Variants in CLDN16 observed in about 807,000 individuals in gnomAD.
CLDN16 encodes the protein claudin-16.
CLDN16 carries 13 observed loss-of-function variants against 24.6 expected under a neutral mutation model. The ratio of observed to expected loss-of-function variants is 0.53; its 90% CI spans 0.34 to 0.84. CLDN16 has a LOEUF of 0.84. CLDN16 is among the 40% of genes least tolerant of loss of function. CLDN16 has a pLI of 0.01. For synonymous variants in CLDN16, 116 were observed against 106.7 expected (o/e 1.09, Z -0.54); for missense variants, 298 against 292.7 (o/e 1.02, Z -0.13).
chr3:190,396,432 A>G (rs113671164), intron 1 of CLDN16, among the ~76,000 whole-genome samples: 5 of 152,260 alleles, frequency 3.3e-5, no homozygotes, highest in African/African-American at 1.2e-4. Context: ...TATAATAACC[A>G]TTTTCTGCTC....
At chr3:190,374,447 T>C (rs11716585) in intron 2 of CLDN16, 25,371 of 151,870 alleles carry the variant, frequency 0.17, 2,309 homozygotes, top group Middle Eastern at 0.2. Context: ...AGATGCCATT[T>C]AAGGGAGTGG....
At chr3:190,397,679 AAGTTT>A (rs1355231288) in intron 1 of CLDN16, among the ~76,000 whole-genome samples, 2 of 152,172 alleles carry the variant, frequency 1.3e-5, no homozygotes, top group Non-Finnish European at 1.5e-5. Flanking sequence ...ATTAACACAG[AAGTTT>A]AGTTAATTAC....
chr3:190,340,750 C>T (rs1417982332), intron 1 of CLDN16, among the ~76,000 whole-genome samples: 1 of 152,158 alleles, frequency 6.6e-6, no homozygotes, highest in African/African-American at 2.4e-5. Flanking sequence ...TCATCTGAGA[C>T]AAGGCAAGCC....
rs546803994 is a variant in CLDN16, at chr3:190,389,439, A to G, written c.114+996A>G. 2.0e-5 allele frequency among the ~76,000 whole-genome samples: 3 copies of G among 152,326 alleles called. No individual in the cohort carries two copies. In the South Asian group the frequency reaches 6.2e-4, roughly 32 times the overall value. On this transcript the variant is annotated intron_variant, in intron 1 of 4. Transcript: ENST00000264734. ...GACTGAGTTTATATATTTTTCTTCT[A>G]ATTTTCTTTATTAAACTCTCAAATT...
At chr3:190,303,622 G>A in the CLDN16 span, among the ~76,000 whole-genome samples, 1 of 152,120 alleles carries the variant, frequency 6.6e-6, no homozygotes, top group African/African-American at 2.4e-5. Context: ...GCAAGCTTAA[G>A]GTTTAGCTAA....
intron 1 of CLDN16, among the ~76,000 whole-genome samples, chr3:190,395,498 A>G (rs1282123578): frequency 2.6e-5 from 4 of 152,038 alleles, no homozygotes; most frequent in African/African-American, 9.6e-5. Context: ...TCTTGGTTGG[A>G]AAATTTAAAT....
chr3:190,341,265 G>A (rs1483475811), intron 1 of CLDN16, among the ~76,000 whole-genome samples: 2 of 152,154 alleles, frequency 1.3e-5, no homozygotes, highest in African/African-American at 4.8e-5. Flanking sequence ...TTCTCTATAA[G>A]GACCCCACCC....
chr3:190,382,284 G>A (rs979186195), intron 3 of CLDN16, among the ~76,000 whole-genome samples: 1 of 152,048 alleles, frequency 6.6e-6, no homozygotes, highest in African/African-American at 2.4e-5. Flanking sequence ...TGAACATCTT[G>A]TTTTTCCAGG....
intron 1 of CLDN16, among the ~76,000 whole-genome samples, chr3:190,335,988 A>C (rs1717296689): frequency 6.6e-6 from 1 of 152,138 alleles, no homozygotes; most frequent in African/African-American, 2.4e-5. Context: ...ACAATTGCTA[A>C]AGTGTTGGAG....
At position 190,410,062 on chromosome 3, in the gene CLDN16, A is replaced by G. The variant is rs1331896797; in HGVS notation, c.*26A>G. 1.2e-6 allele frequency: 2 copies of G among 1,613,360 alleles called. No individual in the cohort carries two copies. The highest frequency in any genetic ancestry group is 1.3e-5 in the African/African-American group (1 of 75,038). On this transcript the variant is annotated 3_prime_UTR_variant, in exon 5 of 5. Transcript: ENST00000264734. ...AATGCACGTTTCAGGGTGTGTTTGC[A>G]TATGATTTAATCAATCAGTATGGTT...
intron 1 of CLDN16, among the ~76,000 whole-genome samples, chr3:190,327,428 A>C (rs1323521543): frequency 6.6e-6 from 1 of 152,208 alleles, no homozygotes; most frequent in Non-Finnish European, 1.5e-5. Context: ...CACACTCACT[A>C]ACACTTACTG....
intron 1 of CLDN16, among the ~76,000 whole-genome samples, chr3:190,398,325 G>T (rs1009482584): frequency 1.3e-5 from 2 of 152,166 alleles, no homozygotes; most frequent in African/African-American, 4.8e-5. Flanking sequence ...GCAAGGCTGC[G>T]CTGCCCCTGA....
chr3:190,377,789 G>C (rs577049595), intron 3 of CLDN16, among the ~76,000 whole-genome samples: 8 of 152,090 alleles, frequency 5.3e-5, no homozygotes, highest in African/African-American at 1.9e-4. Flanking sequence ...CTTACAGGTA[G>C]AGCTAAAAGT....
chr3:190,368,097 T>C (rs1193191038), intron 1 of CLDN16, among the ~76,000 whole-genome samples: 1 of 151,978 alleles, frequency 6.6e-6, no homozygotes, highest in Non-Finnish European at 1.5e-5. Context: ...CTGTCCTCTT[T>C]TGGTATTCAT....
At chr3:190,344,086 T>C (rs1717497258) in intron 1 of CLDN16, among the ~76,000 whole-genome samples, 1 of 152,018 alleles carries the variant, frequency 6.6e-6, no homozygotes, top group South Asian at 2.1e-4. Context: ...ATAACTTAAA[T>C]GTGCACAATA....
chr3:190,303,368 G>T, the CLDN16 span, among the ~76,000 whole-genome samples: 2 of 152,142 alleles, frequency 1.3e-5, no homozygotes, highest in African/African-American at 4.8e-5. Context: ...TGACAAAAAT[G>T]ATTTCCAAAA....
the CLDN16 span, among the ~76,000 whole-genome samples, chr3:190,298,935 A>T: frequency 2.0e-5 from 3 of 152,190 alleles, no homozygotes; most frequent in Non-Finnish European, 4.4e-5. Flanking sequence ...ATGTACCCTG[A>T]TATACATATA....
upstream of CLDN16, among the ~76,000 whole-genome samples, chr3:190,384,747 T>G (rs1162661359): frequency 6.6e-6 from 1 of 152,164 alleles, no homozygotes; most frequent in Non-Finnish European, 1.5e-5. Context: ...GAGAATTAAA[T>G]TATTACACAT....
intron 1 of CLDN16, among the ~76,000 whole-genome samples, chr3:190,325,245 A>G (rs777175253): frequency 1.3e-5 from 2 of 152,124 alleles, no homozygotes; most frequent in African/African-American, 2.4e-5. Flanking sequence ...ATTCCAAACT[A>G]TATAATTTGA....
Sources: allele counts gnomAD v4.1 joint callset (sites outside exome capture counted in the v4.1 genomes callset), GRCh38; gene constraint gnomAD v4.1.1; transcripts MANE v1.5; gene names NCBI Gene and HGNC (gene_info 2026-07-23, HGNC 2026-07-21).